The following MFN1 variants were observed in gnomAD, a reference collection of about 807,000 sequenced individuals.
MFN1 encodes the protein mitofusin 1, also known as mitofusin-1.
Under a neutral mutation model 92.4 loss-of-function variants are expected in MFN1, and 65 were observed. That is an observed-to-expected ratio of 0.70 (90% CI 0.58 to 0.86). MFN1 has a LOEUF of 0.86. MFN1 is among the 40% of genes least tolerant of loss of function. MFN1 has a pLI of 0.00. For synonymous variants in MFN1, 297 were observed against 300.9 expected (o/e 0.99, Z 0.13); for missense variants, 781 against 868.0 (o/e 0.90, Z 1.26).
chr3:179,390,788 T>C (rs1011089408), intron 17 of MFN1, among the ~76,000 whole-genome samples: 1 of 152,214 alleles, frequency 6.6e-6, no homozygotes, highest in South Asian at 2.1e-4. Context: ...TAGTCCCTGC[T>C]GTTACTTCTA....
intron 9 of MFN1, among the ~76,000 whole-genome samples, chr3:179,369,499 A>G (rs763806365): frequency 2.0e-5 from 3 of 152,160 alleles, no homozygotes; most frequent in Non-Finnish European, 4.4e-5. Flanking sequence ...ATAATTGTGT[A>G]ATGTTCTGTT....
At chr3:179,355,161 A>G (rs11714802) in intron 3 of MFN1, among the ~76,000 whole-genome samples, 3 of 152,138 alleles carry the variant, frequency 2.0e-5, no homozygotes, top group Non-Finnish European at 4.4e-5. Flanking sequence ...TCTAAACTGT[A>G]TGTATTATAT....
At chr3:179,387,495 G>A (rs547842021) in intron 16 of MFN1, among the ~76,000 whole-genome samples, 5 of 151,404 alleles carry the variant, frequency 3.3e-5, no homozygotes, top group East Asian at 4.0e-4. Context: ...GTAGTGAGCC[G>A]AGATCACATC....
At chr3:179,357,957 A>T (rs1386938779) in intron 3 of MFN1, among the ~76,000 whole-genome samples, 5 of 152,056 alleles carry the variant, frequency 3.3e-5, no homozygotes, top group Non-Finnish European at 7.4e-5. Context: ...TGATTCAAAG[A>T]CTAGGACTGT....
At chr3:179,352,413 G>A (rs1443648348) in intron 3 of MFN1, among the ~76,000 whole-genome samples, 2 of 152,212 alleles carry the variant, frequency 1.3e-5, no homozygotes, top group Non-Finnish European at 2.9e-5. Flanking sequence ...GGCCTAGAAG[G>A]AAAGAGGCTC....
At chr3:179,367,886 G>A in intron 8 of MFN1, 150 bp from the exon 9 acceptor site, 2 of 410,744 alleles carry the variant, frequency 4.9e-6, no homozygotes, top group Non-Finnish European at 7.5e-6. Context: ...TTGCGCCATT[G>A]CACTCCAGCT....
At chr3:179,391,317 A>AT (rs1012073400) in intron 17 of MFN1, among the ~76,000 whole-genome samples, 15 of 152,198 alleles carry the variant, frequency 9.9e-5, no homozygotes, top group Admixed American at 2.6e-4. Flanking sequence ...AAGTATGAAT[A>AT]TTTTTGGTCT....
At chr3:179,381,575 G>A (rs983797213) in intron 14 of MFN1, among the ~76,000 whole-genome samples, 2 of 152,176 alleles carry the variant, frequency 1.3e-5, no homozygotes, top group Non-Finnish European at 2.9e-5. Context: ...GTGTGAATCC[G>A]TGTAAGAAAA....
At chr3:179,387,814 C>T (rs187905240) in intron 16 of MFN1, among the ~76,000 whole-genome samples, 8 of 150,872 alleles carry the variant, frequency 5.3e-5, no homozygotes, top group East Asian at 2.0e-4. Context: ...CCACAACCTC[C>T]GCCTCCCAGG....
At chr3:179,356,335 C>A (rs566630355) in intron 3 of MFN1, among the ~76,000 whole-genome samples, 2 of 152,200 alleles carry the variant, frequency 1.3e-5, no homozygotes, top group African/African-American at 2.4e-5. Context: ...GGTAACTAAA[C>A]TCATGGTTAC....
At chr3:179,384,419 T>C (rs1713591579) in intron 14 of MFN1, among the ~76,000 whole-genome samples, 1 of 152,190 alleles carries the variant, frequency 6.6e-6, no homozygotes, top group Non-Finnish European at 1.5e-5. Context: ...AACATCTTTT[T>C]TGTGTGCTCA....
chr3:179,394,444 C>T lies in MFN1; in HGVS notation c.*2385C>T, dbSNP rs1330011624. The stretch of plus-strand genomic sequence containing the variant: ...TTTTTTTTTTTTTTTGAGACGGAGT[C>T]TCGCTCTGTCGCCCAGGCTGGAGTG... On this transcript the variant is annotated 3_prime_UTR_variant, in exon 18 of 18. Transcript: ENST00000471841. The T allele has an allele frequency of 1.9e-5, 2 of 104,856 alleles. No individual in the cohort carries two copies. Among genetic ancestry groups the T allele is most frequent in the Admixed American group, 2.9e-4 (2 of 6,942 alleles). The allele number at this position is 104,856 out of a possible 1,614,324, so 6.5% of individuals were successfully genotyped here. A position where few individuals can be genotyped will look rare whatever the true frequency, so the allele number is the denominator to read the frequency against.
At position 179,350,821 on chromosome 3, in the gene MFN1, T is replaced by G. The variant is rs1165551689; in HGVS notation, c.113-1079T>G. 6.6e-5 allele frequency among the ~76,000 whole-genome samples: 10 copies of G among 152,328 alleles called. No homozygotes were observed. The South Asian group carries it at 1.9e-3, about 28-fold the overall frequency. ...TTTAAGTGGCAGTGTTTGTCTCTAA[T>G]TAGGGTCATTCAGATAGCCAGATGA... On this transcript the variant is annotated intron_variant, in intron 2 of 17. Coordinates refer to ENST00000471841, the MANE Select transcript of MFN1 (RefSeq NM_033540.3).
intron 14 of MFN1, among the ~76,000 whole-genome samples, chr3:179,383,082 A>G (rs1474568398): frequency 1.3e-5 from 2 of 152,090 alleles, no homozygotes; most frequent in Admixed American, 6.5e-5. Flanking sequence ...ATGAGATCCC[A>G]TTTGTCAATT....
At chr3:179,366,576 T>G (rs1365603441) in intron 7 of MFN1, among the ~76,000 whole-genome samples, 1 of 152,224 alleles carries the variant, frequency 6.6e-6, no homozygotes, top group African/African-American at 2.4e-5. Flanking sequence ...GTTCACATGA[T>G]AAAATTATTT....
intron 9 of MFN1, among the ~76,000 whole-genome samples, chr3:179,371,861 GTTTT>G (rs1713033101): frequency 6.6e-6 from 1 of 151,772 alleles, no homozygotes; most frequent in Non-Finnish European, 1.5e-5. Flanking sequence ...TTGTGCAAAT[GTTTT>G]CTTTCTTAGA....
At position 179,394,199 on chromosome 3, in the gene MFN1, G is replaced by T. The variant is rs759640840; in HGVS notation, c.*2140G>T. 7 of 152,068 alleles carry T rather than the reference G, an allele frequency of 4.6e-5. No individual in the cohort carries two copies. The highest frequency in any genetic ancestry group is 1.0e-4 in the Non-Finnish European group (7 of 68,012). 9.4% of individuals were successfully genotyped at this position (152,068 alleles called of 1,614,324 possible). A position where few individuals can be genotyped will look rare whatever the true frequency, so the allele number is the denominator to read the frequency against. ...GTGTGGATCCTTGGGTCTGAACCCA[G>T]ACCTATGGAGTCAGACAGTAGGTTT... On this transcript the variant is annotated 3_prime_UTR_variant, in exon 18 of 18. Transcript: ENST00000471841.
intron 14 of MFN1, among the ~76,000 whole-genome samples, chr3:179,382,933 A>G (rs1271411470): frequency 7.9e-5 from 12 of 151,730 alleles, no homozygotes; most frequent in Admixed American, 7.2e-4. Flanking sequence ...TTTTCTTGTA[A>G]ATTTGTTTGA....
At chr3:179,360,843 T>C (rs191052467) in intron 4 of MFN1, among the ~76,000 whole-genome samples, 15 of 152,288 alleles carry the variant, frequency 9.8e-5, no homozygotes, top group African/African-American at 2.6e-4. Context: ...AATGAGATGA[T>C]GTTTATGAAA....
Sources: gnomAD v4.1 joint callset for allele counts (sites outside exome capture counted in the v4.1 genomes callset) on GRCh38, gnomAD v4.1.1 for gene constraint, MANE v1.5 for transcripts, NCBI Gene and HGNC (gene_info 2026-07-23, HGNC 2026-07-21) for gene names.